RNF150: variants seen among roughly 807,000 people sequenced by gnomAD.
The protein encoded by RNF150 is ring finger protein 150.
A neutral mutation model predicts 39.3 loss-of-function variants in RNF150; 24 were observed. The ratio of observed to expected loss-of-function variants is 0.61; its 90% CI spans 0.44 to 0.86. The LOEUF is 0.86. Ranked by LOEUF, RNF150 falls within the 40% of genes least tolerant of loss-of-function variation. The pLI is 0.00. For missense variants in RNF150, 502 were observed against 587.8 expected, an observed-to-expected ratio of 0.85 and a Z score of 1.51; for synonymous variants, 255 against 227.3, an observed-to-expected ratio of 1.12 and a Z score of -1.10.
intron 1 of RNF150, among the ~76,000 whole-genome samples, chr4:141,116,073 T>C (rs1194716299): frequency 6.6e-6 from 1 of 152,158 alleles, no homozygotes; most frequent in Non-Finnish European, 1.5e-5. Flanking sequence ...GTTCAGGACA[T>C]AGGCATGGGC....
Position 140,949,338 on chromosome 4 carries a change from C to T in RNF150, c.770G>A (p.Ser257Asn). The T allele has an allele frequency of 6.2e-7, 1 of 1,613,088 alleles. No individual in the cohort carries two copies. ...CTTGATGGTCCTGATCTGGAGTTTG[C>T]TGATGGCTTTCTTTGCTGCATCCCC... ...RLGDAAKKAI[S>N]KLQIRTIKKG... The change falls in exon 3 of 7, where the codon AGC (serine) becomes AAC (asparagine). Residue 257 changes from serine (S) to asparagine (N), a missense_variant. Coordinates refer to ENST00000515673, the MANE Select transcript of RNF150 (RefSeq NM_020724.2).
intron 1 of RNF150, among the ~76,000 whole-genome samples, chr4:141,118,281 C>T (rs1296168147): frequency 4.6e-5 from 7 of 152,208 alleles, no homozygotes. Context: ...TTTGAGGCTG[C>T]TGCCCTATGA....
At chr4:141,040,089 C>A (rs1286737219) in intron 1 of RNF150, among the ~76,000 whole-genome samples, 1 of 152,022 alleles carries the variant, frequency 6.6e-6, no homozygotes, top group Non-Finnish European at 1.5e-5. Context: ...CTTAAACTTA[C>A]CTTTGCTGCT....
intron 4 of RNF150, among the ~76,000 whole-genome samples, chr4:140,934,011 ATTTG>A (rs745981021): frequency 7.2e-5 from 11 of 152,282 alleles, no homozygotes; most frequent in African/African-American, 2.6e-4. Context: ...TATTTTTAAA[ATTTG>A]TTTATTTATT....
At chr4:140,981,442 T>C (rs1176442326) in intron 1 of RNF150, among the ~76,000 whole-genome samples, 2 of 152,114 alleles carry the variant, frequency 1.3e-5, no homozygotes, top group Admixed American at 1.3e-4. Context: ...AAAGCAAAGG[T>C]GTCACTATCT....
intron 1 of RNF150, among the ~76,000 whole-genome samples, chr4:141,120,688 G>T (rs1175022082): frequency 2.0e-5 from 3 of 152,170 alleles, no homozygotes; most frequent in Non-Finnish European, 4.4e-5. Context: ...GGACCAGCAA[G>T]AAGACATGAT....
At chr4:141,063,929 G>A (rs1368929968) in intron 1 of RNF150, among the ~76,000 whole-genome samples, 5 of 144,368 alleles carry the variant, frequency 3.5e-5, no homozygotes, top group African/African-American at 5.2e-5. Flanking sequence ...TTTGGCCTTA[G>A]CCTCTCCTGC....
chr4:141,193,369 T>A (rs1354838455), intron 1 of RNF150, among the ~76,000 whole-genome samples: 3 of 152,250 alleles, frequency 2.0e-5, no homozygotes, highest in Non-Finnish European at 4.4e-5. Flanking sequence ...AATCTTGGGC[T>A]TAACCTAGTC....
At chr4:141,122,017 G>A (rs1157730463) in intron 1 of RNF150, among the ~76,000 whole-genome samples, 1 of 152,090 alleles carries the variant, frequency 6.6e-6, no homozygotes, top group African/African-American at 2.4e-5. Context: ...TCCCCCAGGT[G>A]ATCCCAATAT....
At chr4:141,087,742 G>A (rs1003515904) in intron 1 of RNF150, among the ~76,000 whole-genome samples, 2 of 152,080 alleles carry the variant, frequency 1.3e-5, no homozygotes, top group Non-Finnish European at 2.9e-5. Flanking sequence ...ATTTGCATTG[G>A]GAAAAAATTC....
intron 2 of RNF150, among the ~76,000 whole-genome samples, chr4:140,962,453 A>G (rs1014734221): frequency 6.6e-6 from 1 of 151,232 alleles, no homozygotes; most frequent in African/African-American, 2.4e-5. Context: ...ATATATACGT[A>G]TATGATATAT....
chr4:141,180,122 T>C (rs1727880328), intron 1 of RNF150, among the ~76,000 whole-genome samples: 2 of 152,306 alleles, frequency 1.3e-5, no homozygotes, highest in East Asian at 1.9e-4. Context: ...ACAAGAAGTC[T>C]GGAGGTGGTT....
At chr4:140,994,318 C>T (rs1382611073) in intron 1 of RNF150, among the ~76,000 whole-genome samples, 1 of 152,198 alleles carries the variant, frequency 6.6e-6, no homozygotes, top group African/African-American at 2.4e-5. Flanking sequence ...AAGGCAAAGG[C>T]CCAAAGGATA....
At chr4:140,997,503 C>T (rs113322701) in intron 1 of RNF150, among the ~76,000 whole-genome samples, 3 of 151,872 alleles carry the variant, frequency 2.0e-5, no homozygotes, top group Non-Finnish European at 2.9e-5. Context: ...ATGCCTGTGT[C>T]ATTCATCCCA....
intron 6 of RNF150, among the ~76,000 whole-genome samples, chr4:140,875,804 A>G (rs1205869049): frequency 6.6e-6 from 1 of 152,126 alleles, no homozygotes; most frequent in Non-Finnish European, 1.5e-5. Context: ...ACATGAAGTC[A>G]CTGCTTTCCT....
intron 1 of RNF150, among the ~76,000 whole-genome samples, chr4:141,002,814 C>T (rs1734714746): frequency 6.6e-6 from 1 of 152,034 alleles, no homozygotes; most frequent in Non-Finnish European, 1.5e-5. Flanking sequence ...GCGCACATTC[C>T]CTCACTGAGC....
In RNF150 at chr4:141,076,058, A is replaced by G. The variant is rs139461544; in HGVS notation, c.484+56267T>C. On this transcript the variant is annotated intron_variant, in intron 1 of 6. Coordinates refer to ENST00000515673, the MANE Select transcript of RNF150 (RefSeq NM_020724.2). ...AATTTCAATAAAAATGTATAGGGAC[A>G]TAATATACATTAAAACATTACATAT... 5.0e-3 allele frequency among the ~76,000 whole-genome samples: 767 copies of G among 152,350 alleles called. 7 individuals carry two copies. The highest frequency in any genetic ancestry group is 0.017 in the African/African-American group (722 of 41,578).
intron 2 of RNF150, among the ~76,000 whole-genome samples, chr4:140,962,896 T>C (rs1733096233): frequency 6.6e-6 from 1 of 151,950 alleles, no homozygotes; most frequent in Non-Finnish European, 1.5e-5. Context: ...ATCATGTTTT[T>C]GAAAATTATT....
rs374793839 is a variant in RNF150, at chr4:140,864,334, T to G, written c.*3927A>C. On this transcript the variant is annotated 3_prime_UTR_variant, in exon 7 of 7. Coordinates refer to ENST00000515673, the MANE Select transcript of RNF150 (RefSeq NM_020724.2). ...AGTCAATGTTCAAAAGCTGTATTCA[T>G]AGTCAGGGCTCAGCTCTTCCAAAGG... 3 of 152,298 alleles carry G rather than the reference T, an allele frequency of 2.0e-5. No individual in the cohort carries two copies. Among genetic ancestry groups the G allele is most frequent in the African/African-American group, 4.8e-5 (2 of 41,558 alleles). 9.4% of individuals were successfully genotyped at this position (152,298 alleles called of 1,614,324 possible).
Sources: gnomAD v4.1 joint callset for allele counts (sites outside exome capture counted in the v4.1 genomes callset) on GRCh38, gnomAD v4.1.1 for gene constraint, MANE v1.5 for transcripts, NCBI Gene and HGNC (gene_info 2026-07-23, HGNC 2026-07-21) for gene names.